WDHD1: variants seen among roughly 807,000 people sequenced by gnomAD.
The protein encoded by WDHD1 is WD repeat and HMG-box DNA binding protein 1.
In WDHD1, 111 loss-of-function variants were observed where a neutral mutation model predicts 135.4. That is an observed-to-expected ratio of 0.82 (90% confidence interval 0.70 to 0.96). WDHD1 has a LOEUF of 0.96. WDHD1 is among the 40% of genes least tolerant of loss of function. The probability of loss-of-function intolerance (pLI) is 0.00; values close to 1 mark genes in which losing one functional copy is unlikely to be tolerated. For missense variants in WDHD1, 1,351 were observed against 1,336.3 expected (o/e 1.01, Z -0.17); for synonymous variants, 434 against 439.0 (o/e 0.99, Z 0.14).
At chr14:54,958,650 A>T (rs955468644) in intron 21 of WDHD1, among the ~76,000 whole-genome samples, 1 of 152,092 alleles carries the variant, frequency 6.6e-6, no homozygotes, top group Non-Finnish European at 1.5e-5. Context: ...TTACTTCTTG[A>T]TACTTTGTCC....
At chr14:55,005,257 G>A in intron 7 of WDHD1, 1 of 541,374 alleles carries the variant, frequency 1.8e-6, no homozygotes, top group East Asian at 4.8e-5. Flanking sequence ...ACAGAGCAAT[G>A]GTAGGTACGT....
At position 55,002,144 on chromosome 14, in the gene WDHD1, T is replaced by C. The variant is rs764887194; in HGVS notation, c.642A>G (p.Arg214=). Residue 214 remains arginine (R), a synonymous_variant, in exon 8 of 26, where the codon AGA becomes AGG. Transcript: ENST00000360586. ...CAAATTGATGACTCCAAGATTCTCT[T>C]CTATATAGCTTAACAGATTTTTCCA... The part of the protein sequence containing the change: ...IPVEKSVKLY[R]RESWSHQFDL... 6.2e-7 allele frequency: 1 copy of C among 1,606,528 alleles called. No homozygotes were observed. The highest frequency in any genetic ancestry group is 8.5e-7 in the Non-Finnish European group (1 of 1,177,914).
At chr14:54,973,885 CA>C (rs1566720404) in intron 16 of WDHD1, among the ~76,000 whole-genome samples, 1 of 152,258 alleles carries the variant, frequency 6.6e-6, no homozygotes, top group East Asian at 1.9e-4. Context: ...GCCACATTTA[CA>C]TCAAAGCAGA....
chr14:54,958,119 C>T (rs1003349722), intron 21 of WDHD1, among the ~76,000 whole-genome samples: 1 of 151,060 alleles, frequency 6.6e-6, no homozygotes, highest in African/African-American at 2.4e-5. Context: ...TCGCCTCCTC[C>T]ATCCAGCCAT....
chr14:54,947,820 G>A (rs950722179), intron 24 of WDHD1, among the ~76,000 whole-genome samples: 1 of 151,872 alleles, frequency 6.6e-6, no homozygotes, highest in Non-Finnish European at 1.5e-5. Flanking sequence ...TCGAACTCTT[G>A]ACCTCAAGTG....
chr14:54,981,449 T>A, intron 16 of WDHD1, 91 bp downstream of exon 16: 1 of 1,289,738 alleles, frequency 7.8e-7, no homozygotes, highest in South Asian at 1.4e-5. Flanking sequence ...TGGACTAAGA[T>A]AAAAGACAAA....
chr14:55,003,558 T>C (rs554280326), intron 7 of WDHD1, among the ~76,000 whole-genome samples: 2 of 147,042 alleles, frequency 1.4e-5, no homozygotes, highest in African/African-American at 5.2e-5. Flanking sequence ...CAATTGTGTA[T>C]ATATGTATAA....
intron 21 of WDHD1, among the ~76,000 whole-genome samples, chr14:54,961,416 C>T (rs2041250239): frequency 6.6e-6 from 1 of 152,222 alleles, no homozygotes; most frequent in Non-Finnish European, 1.5e-5. Flanking sequence ...CTCCGAAACC[C>T]TTCAGCACCA....
intron 24 of WDHD1, among the ~76,000 whole-genome samples, chr14:54,954,319 A>T (rs1257517715): frequency 2.0e-5 from 3 of 152,092 alleles, no homozygotes; most frequent in African/African-American, 7.2e-5. Context: ...GAAATCCAGC[A>T]TAGTAGAGAT....
At chr14:55,021,078 T>C (rs1024644473) in intron 2 of WDHD1, among the ~76,000 whole-genome samples, 7 of 152,144 alleles carry the variant, frequency 4.6e-5, no homozygotes, top group African/African-American at 1.7e-4. Context: ...GCAGGCATAC[T>C]TGGTGTGACC....
chr14:54,995,865 C>T, intron 10 of WDHD1, 52 bp from the exon 11 acceptor site: 1 of 1,397,812 alleles, frequency 7.2e-7, no homozygotes, highest in Non-Finnish European at 9.5e-7. Context: ...TTTAGAAAAA[C>T]TCAATTACTA....
intron 12 of WDHD1, 53 bp from the exon 13 acceptor site, chr14:54,989,265 A>G: frequency 7.3e-7 from 1 of 1,365,074 alleles, no homozygotes; most frequent in East Asian, 2.4e-5. Flanking sequence ...AGCTCCTAGA[A>G]TCAGTAAGCC....
At chr14:55,005,605 G>A (rs2042052656) in intron 7 of WDHD1, 3 of 598,604 alleles carry the variant, frequency 5.0e-6, no homozygotes, top group African/African-American at 1.8e-5. Flanking sequence ...AGACAAAGCT[G>A]GTGCTACCTA....
At position 55,003,589 on chromosome 14, in the gene WDHD1, A is replaced by ATC. The variant is rs201564673; in HGVS notation, c.601-1405_601-1404insGA. Among the ~76,000 whole-genome samples the ATC allele has an allele frequency of 6.5e-3, 982 of 150,434 alleles. 64 individuals are homozygous for ATC. Among genetic ancestry groups the ATC allele is most frequent in the African/African-American group, 0.023 (916 of 40,176 alleles). On this transcript the variant is annotated intron_variant, in intron 7 of 25. Transcript: ENST00000360586. ...TATAAAAAAGAAAGAAAAACGAACTATATATATATAGTTGCCCAGGCTGGA... is the reference window on the plus strand; with the variant it reads ...TATAAAAAAGAAAGAAAAACGAACTATCTATATATATAGTTGCCCAGGCTGGA...
At chr14:54,950,130 T>G (rs2140152708) in intron 24 of WDHD1, among the ~76,000 whole-genome samples, 1 of 152,304 alleles carries the variant, frequency 6.6e-6, no homozygotes, top group South Asian at 2.1e-4. Flanking sequence ...CAGGATCAAA[T>G]TCACACATAA....
chr14:54,996,304 A>C (rs2041877829), intron 10 of WDHD1, among the ~76,000 whole-genome samples: 1 of 152,196 alleles, frequency 6.6e-6, no homozygotes, highest in African/African-American at 2.4e-5. Context: ...AAAACAAAGA[A>C]GGCAAAGAAA....
chr14:54,949,661 G>A (rs1255680308), intron 24 of WDHD1, among the ~76,000 whole-genome samples: 1 of 152,150 alleles, frequency 6.6e-6, no homozygotes, highest in Non-Finnish European at 1.5e-5. Context: ...ATGCCACAAA[G>A]ATACTCCTCG....
chr14:54,951,698 A>T (rs1428730663), intron 24 of WDHD1, among the ~76,000 whole-genome samples: 1 of 152,182 alleles, frequency 6.6e-6, no homozygotes, highest in Non-Finnish European at 1.5e-5. Flanking sequence ...ACACAACAAA[A>T]AAAGAGAATT....
chr14:54,976,758 T>C (rs1296158609), intron 16 of WDHD1, among the ~76,000 whole-genome samples: 1 of 151,564 alleles, frequency 6.6e-6, no homozygotes, highest in East Asian at 1.9e-4. Flanking sequence ...AAATAATAAA[T>C]AAATAAATGT....
Sources: allele counts gnomAD v4.1 joint callset (sites outside exome capture counted in the v4.1 genomes callset), GRCh38; gene constraint gnomAD v4.1.1; transcripts MANE v1.5; gene names NCBI Gene and HGNC (gene_info 2026-07-23, HGNC 2026-07-21).